Variants in UBE3B observed in about 807,000 individuals in gnomAD.
UBE3B encodes ubiquitin protein ligase E3B, also known as ubiquitin-protein ligase E3B.
A neutral mutation model predicts 132.3 loss-of-function variants in UBE3B; 80 were observed. The observed-to-expected ratio is 0.60, with a 90% CI of 0.50 to 0.73. The LOEUF (loss-of-function observed/expected upper bound fraction) is 0.73, where lower values mean the gene tolerates loss of function less well. UBE3B is among the 30% of genes least tolerant of loss of function. UBE3B has a pLI of 0.00. For synonymous variants in UBE3B, 487 were observed against 520.4 expected, an observed-to-expected ratio of 0.94 and a Z score of 0.87; for missense variants, 1,196 against 1,362.5, an observed-to-expected ratio of 0.88 and a Z score of 1.92.
intron 27 of UBE3B, 81 bp downstream of exon 27, chr12:109,533,639 A>G (rs1883176851): frequency 1.5e-6 from 2 of 1,300,894 alleles, no homozygotes; most frequent in South Asian, 1.2e-5. Flanking sequence ...CAAGGCCCTT[A>G]TCTAGTCCAT....
chr12:109,534,843 G>T lies in UBE3B; in HGVS notation c.*61G>T. The T allele has an allele frequency of 1.4e-6, 2 of 1,388,978 alleles. No individual in the cohort carries two copies. The highest frequency in any genetic ancestry group is 1.9e-6 in the Non-Finnish European group (2 of 1,033,870). 86.0% of individuals were successfully genotyped at this position (1,388,978 alleles called of 1,614,324 possible). On this transcript the variant is annotated 3_prime_UTR_variant, in exon 28 of 28. Transcript: ENST00000342494. This position sits in a 1 kb window ranked among gnomAD's most constrained non-coding sequence, Gnocchi z 5.2. Reference sequence around the variant, plus strand: ...TGCCAGGGACCTTCAGCTCCCAGAGGCAGTGTGGTCCTGGGAATGTGACCA... The same window carrying T: ...TGCCAGGGACCTTCAGCTCCCAGAGTCAGTGTGGTCCTGGGAATGTGACCA...
At chr12:109,532,823 C>G (rs1258622546) in intron 26 of UBE3B, among the ~76,000 whole-genome samples, 2 of 150,586 alleles carry the variant, frequency 1.3e-5, no homozygotes, top group Non-Finnish European at 2.9e-5. Flanking sequence ...TCATTTTTGT[C>G]AGTGTGCTGA....
chr12:109,502,966 G>T, intron 13 of UBE3B, 57 bp from the exon 14 acceptor site: 1 of 1,606,550 alleles, frequency 6.2e-7, no homozygotes, highest in African/African-American at 1.3e-5. Context: ...CTTTTCCAGG[G>T]TGGGATTTGG....
At chr12:109,497,047 A>G (rs1302907750) in intron 9 of UBE3B, among the ~76,000 whole-genome samples, 1 of 152,020 alleles carries the variant, frequency 6.6e-6, no homozygotes, top group Non-Finnish European at 1.5e-5. Flanking sequence ...TCTGTGGCTC[A>G]TTTCATTATT....
At chr12:109,486,386 C>G in intron 5 of UBE3B, 85 bp from the exon 6 acceptor site, 1 of 1,101,072 alleles carries the variant, frequency 9.1e-7, no homozygotes, top group Non-Finnish European at 1.3e-6. Flanking sequence ...CTGGACCTAA[C>G]TAATAGGTCC....
Position 109,524,467 on chromosome 12 carries a change from C to T in UBE3B, c.2532C>T (p.Gly844=), listed in dbSNP as rs192120537. 99 of 1,614,214 alleles carry T rather than the reference C, an allele frequency of 6.1e-5. No homozygotes were observed. The highest frequency in any genetic ancestry group is 7.9e-5 in the Non-Finnish European group (93 of 1,180,038). The change falls in exon 23 of 28, where the codon GGC becomes GGT. Residue 844 remains glycine, a synonymous_variant. Coordinates refer to ENST00000342494, the MANE Select transcript of UBE3B (RefSeq NM_130466.4). ...ATGATGGGGACATCACTGACCTGGGCCTGACGCTGTCTTACGACGAGGACG... is the reference window on the plus strand; with the variant it reads ...ATGATGGGGACATCACTGACCTGGGTCTGACGCTGTCTTACGACGAGGACG... ...KRYDGDITDL[G]LTLSYDEDVM...
At position 109,516,425 on chromosome 12, in the gene UBE3B, C is replaced by T. The variant is rs552163748; in HGVS notation, c.1957-340C>T. On this transcript the variant is annotated intron_variant, in intron 18 of 27. Transcript: ENST00000342494. ...CTCCCGACCTCAGGTAATCCGCCCA[C>T]CTGGGCCTCCCAGAGTGCTGGGATT... Among the ~76,000 whole-genome samples the T allele has an allele frequency of 2.4e-4, 36 of 152,268 alleles. 1 individual carries two copies. The South Asian group carries it at 7.5e-3, about 32-fold the overall frequency.
At chr12:109,514,776 C>T (rs927595870) in intron 18 of UBE3B, among the ~76,000 whole-genome samples, 1 of 152,034 alleles carries the variant, frequency 6.6e-6, no homozygotes, top group Non-Finnish European at 1.5e-5. Flanking sequence ...CTCTCTTCTG[C>T]ATGGCCCTGG....
downstream of UBE3B, among the ~76,000 whole-genome samples, chr12:109,541,105 C>T (rs577770802): frequency 2.6e-5 from 4 of 152,266 alleles, no homozygotes; most frequent in Non-Finnish European, 5.9e-5. Context: ...TGCTGCATCC[C>T]TCAGACCATG....
chr12:109,489,808 G>C lies in UBE3B; in HGVS notation c.545-111G>C, dbSNP rs1458965787. The stretch of plus-strand genomic sequence containing the variant: ...CTAAGGGAAAAGGGAGGCAAGCCAG[G>C]GGGTATCTCATTTCTTAGGGCCTCG... On this transcript the variant is annotated intron_variant, in intron 7 of 27. Coordinates refer to ENST00000342494, the MANE Select transcript of UBE3B (RefSeq NM_130466.4). 1.9e-5 allele frequency: 19 copies of C among 981,994 alleles called. No homozygotes were observed. The Admixed American group carries it at 2.3e-4, about 12-fold the overall frequency. 60.8% of individuals were successfully genotyped at this position (981,994 alleles called of 1,614,324 possible). A position where few individuals can be genotyped will look rare whatever the true frequency, so the allele number is the denominator to read the frequency against.
chr12:109,526,883 A>AAAT (rs1555270228), intron 24 of UBE3B, among the ~76,000 whole-genome samples: 42 of 151,132 alleles, frequency 2.8e-4, no homozygotes, highest in South Asian at 6.3e-4. Context: ...AAAAAAAAAA[A>AAAT]AATTGATTTG....
At position 109,486,580 on chromosome 12, in the gene UBE3B, CAAAAAAAAAA is replaced by C. The variant is rs201336062; in HGVS notation, c.447+19_447+28del. 1.9e-3 allele frequency: 1,067 copies of C among 561,774 alleles called. 2 individuals carry two copies. Among genetic ancestry groups the C allele is most frequent in the South Asian group, 2.7e-3 (108 of 39,610 alleles). 34.8% of individuals were successfully genotyped at this position (561,774 alleles called of 1,614,324 possible). On this transcript the variant is annotated splice_donor_region_variant and intron_variant, in intron 6 of 27. Transcript: ENST00000342494. ...GATTTTCTCAAGCAGCTCAAGGTAA[CAAAAAAAAAA>C]AAAAAAAAAAAAAGCAAAACCAGAA...
intron 26 of UBE3B, among the ~76,000 whole-genome samples, chr12:109,532,996 G>A (rs989029930): frequency 2.0e-5 from 3 of 152,172 alleles, no homozygotes; most frequent in East Asian, 1.9e-4. Flanking sequence ...CGGGTCTCCC[G>A]GGCTCCCTCT....
In UBE3B at chr12:109,498,049, G is replaced by T. The variant is rs1878461690; in HGVS notation, c.819+126G>T. On this transcript the variant is annotated intron_variant, in intron 10 of 27. Transcript: ENST00000342494. ...TCCCTTTAATTGTTCTTTGGGACCAGTGGCCGTGATAGACACATTTGTGTT... is the reference window on the plus strand; with the variant it reads ...TCCCTTTAATTGTTCTTTGGGACCATTGGCCGTGATAGACACATTTGTGTT... The T allele has an allele frequency of 5.3e-6, 7 of 1,309,912 alleles. 1 individual carries two copies. The South Asian group carries it at 9.1e-5, about 17-fold the overall frequency. The allele number at this position is 1,309,912 out of a possible 1,614,324, so 81.1% of individuals were successfully genotyped here.
At chr12:109,546,457 G>T in the UBE3B span, among the ~76,000 whole-genome samples, 2 of 152,294 alleles carry the variant, frequency 1.3e-5, no homozygotes, top group South Asian at 2.1e-4. Flanking sequence ...GGGAGCCAGG[G>T]CAGTTCAGGG....
At chr12:109,511,918 G>C (rs1048927300) in intron 18 of UBE3B, among the ~76,000 whole-genome samples, 1 of 152,176 alleles carries the variant, frequency 6.6e-6, no homozygotes, top group African/African-American at 2.4e-5. Flanking sequence ...AGATGAGCAA[G>C]TCAAGAGATT....
intron 16 of UBE3B, 75 bp from the exon 17 acceptor site, chr12:109,510,269 G>T: frequency 8.3e-7 from 1 of 1,202,008 alleles, no homozygotes; most frequent in East Asian, 2.5e-5. Context: ...GACAACTGCG[G>T]AAGACAAGAG....
intron 9 of UBE3B, chr12:109,491,759 G>A (rs1877496268): frequency 6.6e-6 from 1 of 152,258 alleles, no homozygotes; most frequent in East Asian, 1.9e-4. Flanking sequence ...AGAGTGTCAT[G>A]GTGGAACCAG....
intron 26 of UBE3B, among the ~76,000 whole-genome samples, chr12:109,532,911 A>G (rs1316960836): frequency 1.3e-5 from 2 of 152,346 alleles, no homozygotes; most frequent in East Asian, 3.9e-4. Flanking sequence ...CCCAGGGCTC[A>G]GGTGACTGCA....
Sources: allele counts gnomAD v4.1 joint callset (sites outside exome capture counted in the v4.1 genomes callset), GRCh38; gene constraint gnomAD v4.1.1; non-coding constraint Gnocchi (gnomAD v3.1); transcripts MANE v1.5; gene names NCBI Gene and HGNC (gene_info 2026-07-23, HGNC 2026-07-21).